The following CNTN4 variants were observed in gnomAD, a reference collection of about 807,000 sequenced individuals.
CNTN4 encodes the protein contactin 4, also known as contactin-4.
Under a neutral mutation model 122.5 loss-of-function variants are expected in CNTN4, and 77 were observed. That is an observed-to-expected ratio of 0.63 (90% CI 0.52 to 0.76). The LOEUF (loss-of-function observed/expected upper bound fraction) is 0.76, where lower values mean the gene tolerates loss of function less well. Among genes scored for constraint, CNTN4 ranks in the 30% least tolerant of loss-of-function variants. CNTN4 has a pLI of 0.00. For missense variants in CNTN4, 1,256 were observed against 1,259.1 expected (o/e 1.00, Z 0.04); for synonymous variants, 512 against 447.0 (o/e 1.15, Z -1.83).
intron 3 of CNTN4, among the ~76,000 whole-genome samples, chr3:2,429,889 G>A (rs13083551): frequency 0.16 from 23,915 of 152,154 alleles, 2,459 homozygotes; most frequent in Non-Finnish European, 0.23. Context: ...AGCCACGCGC[G>A]GGATATAATT....
chr3:2,290,731 A>G (rs2042103226), intron 2 of CNTN4, among the ~76,000 whole-genome samples: 1 of 152,204 alleles, frequency 6.6e-6, no homozygotes, highest in African/African-American at 2.4e-5. Flanking sequence ...GAGTTTAAGC[A>G]GAGTGTGAGA....
At chr3:2,244,507 A>G (rs905345207) in intron 2 of CNTN4, among the ~76,000 whole-genome samples, 1 of 152,142 alleles carries the variant, frequency 6.6e-6, no homozygotes, top group Admixed American at 6.6e-5. Context: ...GTACAAAAAA[A>G]GGAATATGAA....
chr3:2,943,693 G>A (rs139441100), intron 13 of CNTN4, among the ~76,000 whole-genome samples: 1,844 of 145,792 alleles, frequency 0.013, 32 homozygotes, highest in African/African-American at 0.044. Context: ...GTGCAATCTC[G>A]GCTCACTGCA....
intron 3 of CNTN4, among the ~76,000 whole-genome samples, chr3:2,528,438 A>T (rs562958684): frequency 1.3e-5 from 2 of 152,160 alleles, no homozygotes; most frequent in Non-Finnish European, 2.9e-5. Flanking sequence ...TACACCAGAG[A>T]TCAAATCATT....
intron 6 of CNTN4, among the ~76,000 whole-genome samples, chr3:2,783,017 G>A (rs774478917): frequency 6.6e-6 from 1 of 152,168 alleles, no homozygotes; most frequent in Non-Finnish European, 1.5e-5. Context: ...GGTGGCTTAC[G>A]CCTGTAATCA....
intron 2 of CNTN4, among the ~76,000 whole-genome samples, chr3:2,289,676 C>A (rs1309529905): frequency 6.6e-6 from 1 of 152,118 alleles, no homozygotes; most frequent in South Asian, 2.1e-4. Context: ...ACCTTCAGTG[C>A]TTCCCGCTTC....
chr3:2,303,614 C>T (rs922141208), intron 2 of CNTN4, among the ~76,000 whole-genome samples: 3 of 152,146 alleles, frequency 2.0e-5, no homozygotes, highest in African/African-American at 4.8e-5. Flanking sequence ...AATCAATGCT[C>T]ATTTGACCAC....
intron 3 of CNTN4, among the ~76,000 whole-genome samples, chr3:2,400,379 TGTGTGTGGTGTGTGTATGTGTGTGA>T (rs1413700532): frequency 7.2e-6 from 1 of 138,528 alleles, no homozygotes; most frequent in Non-Finnish European, 1.6e-5. Context: ...TGTGTGTATA[TGTGTGTGGTGTGTGTATGTGTGTGA>T]ATATATATAT....
At chr3:2,826,385 T>A (rs1025209696) in intron 7 of CNTN4, among the ~76,000 whole-genome samples, 1 of 152,208 alleles carries the variant, frequency 6.6e-6, no homozygotes, top group Admixed American at 6.5e-5. Flanking sequence ...CAGGGTTCCA[T>A]AAATGTAATT....
At chr3:2,781,031 AATCTC>A (rs971939135) in intron 6 of CNTN4, among the ~76,000 whole-genome samples, 11 of 152,190 alleles carry the variant, frequency 7.2e-5, no homozygotes, top group African/African-American at 2.7e-4. Context: ...TCCTGCCAAA[AATCTC>A]AAAGCAGTAG....
intron 13 of CNTN4, among the ~76,000 whole-genome samples, chr3:2,969,210 C>A (rs561742337): frequency 6.6e-6 from 1 of 152,260 alleles, no homozygotes; most frequent in Non-Finnish European, 1.5e-5. Flanking sequence ...CCAATCTATT[C>A]CCTGGTGAAA....
chr3:2,623,325 T>C (rs2082063558), intron 4 of CNTN4, among the ~76,000 whole-genome samples: 1 of 152,128 alleles, frequency 6.6e-6, no homozygotes, highest in South Asian at 2.1e-4. Context: ...TTTTGTCATT[T>C]TAACTCCTCA....
At chr3:2,330,055 G>A (rs1440314512) in intron 2 of CNTN4, among the ~76,000 whole-genome samples, 1 of 152,046 alleles carries the variant, frequency 6.6e-6, no homozygotes, top group Non-Finnish European at 1.5e-5. Context: ...GTCCTAAATC[G>A]GGCTCCCCAG....
intron 6 of CNTN4, among the ~76,000 whole-genome samples, chr3:2,797,624 A>G (rs574621784): frequency 6.6e-6 from 1 of 152,216 alleles, no homozygotes; most frequent in East Asian, 1.9e-4. Flanking sequence ...AACAAAAGCA[A>G]ACTCCAAAGA....
intron 3 of CNTN4, among the ~76,000 whole-genome samples, chr3:2,343,340 G>A (rs942389470): frequency 9.2e-5 from 14 of 152,238 alleles, no homozygotes; most frequent in African/African-American, 3.4e-4. Flanking sequence ...CAGTCACACT[G>A]GTCACGGGCC....
At position 2,232,616 on chromosome 3, in the gene CNTN4, A is replaced by G. The variant is rs149282014; in HGVS notation, c.-144-106562A>G. Reference sequence around the variant, plus strand: ...AGTTTTTTATAAATATTGCTAAATAACTCCATAGAGTTTGTACTAATGAAG... The same window carrying G: ...AGTTTTTTATAAATATTGCTAAATAGCTCCATAGAGTTTGTACTAATGAAG... On this transcript the variant is annotated intron_variant, in intron 2 of 24. Coordinates refer to ENST00000418658, the MANE Select transcript of CNTN4 (RefSeq NM_175607.3). Among the ~76,000 whole-genome samples, 402 of 152,192 alleles carry G rather than the reference A, an allele frequency of 2.6e-3. 1 individual carries two copies. Among genetic ancestry groups the G allele is most frequent in the African/African-American group, 8.8e-3 (364 of 41,512 alleles).
intron 2 of CNTN4, among the ~76,000 whole-genome samples, chr3:2,224,839 A>G (rs78284354): frequency 0.024 from 3,624 of 152,288 alleles, 59 homozygotes; most frequent in Non-Finnish European, 0.037. Context: ...CTCAAGAGCC[A>G]TAAAATGATA....
At chr3:2,722,131 A>T (rs1260814773) in intron 4 of CNTN4, among the ~76,000 whole-genome samples, 3 of 152,236 alleles carry the variant, frequency 2.0e-5, no homozygotes, top group Non-Finnish European at 4.4e-5. Flanking sequence ...TGAACAGACT[A>T]AGACGCTATT....
intron 4 of CNTN4, among the ~76,000 whole-genome samples, chr3:2,716,120 A>G (rs2087480776): frequency 6.6e-6 from 1 of 152,064 alleles, no homozygotes; most frequent in South Asian, 2.1e-4. Context: ...GTGCGCTACC[A>G]TGCCTGGCTA....
Sources: gnomAD v4.1 joint callset for allele counts (sites outside exome capture counted in the v4.1 genomes callset) on GRCh38, gnomAD v4.1.1 for gene constraint, MANE v1.5 for transcripts, NCBI Gene and HGNC (gene_info 2026-07-23, HGNC 2026-07-21) for gene names.